ZNF146: variants seen among roughly 807,000 people sequenced by gnomAD.
ZNF146 encodes the protein zinc finger protein OZF.
Under a neutral mutation model 22.2 loss-of-function variants are expected in ZNF146, and 9 were observed. The observed-to-expected ratio is 0.41, with a 90% confidence interval of 0.24 to 0.71. ZNF146 has a LOEUF of 0.71. ZNF146 is among the 30% of genes least tolerant of loss of function. The pLI is 0.34. For missense variants in ZNF146, 194 were observed against 344.8 expected, an observed-to-expected ratio of 0.56 and a Z score of 3.46; for synonymous variants, 108 against 119.2, an observed-to-expected ratio of 0.91 and a Z score of 0.61.
intron 2 of ZNF146, among the ~76,000 whole-genome samples, chr19:36,225,007 G>C (rs1444601678): frequency 6.6e-6 from 1 of 152,124 alleles, no homozygotes; most frequent in Non-Finnish European, 1.5e-5. Context: ...TTATATAATT[G>C]AGGCAGTAGG....
intron 2 of ZNF146, among the ~76,000 whole-genome samples, chr19:36,224,650 T>C (rs1454943106): frequency 2.0e-5 from 3 of 152,254 alleles, no homozygotes; most frequent in African/African-American, 2.4e-5. Flanking sequence ...TATTTTTCTT[T>C]GTAAATTTTA....
At chr19:36,226,821 C>T (rs1977087553) in intron 2 of ZNF146, among the ~76,000 whole-genome samples, 1 of 152,206 alleles carries the variant, frequency 6.6e-6, no homozygotes, top group African/African-American at 2.4e-5. Context: ...TGCAGTGGCT[C>T]ACAACTGTAA....
At chr19:36,231,280 G>T (rs1977356360) in intron 3 of ZNF146, among the ~76,000 whole-genome samples, 1 of 151,968 alleles carries the variant, frequency 6.6e-6, no homozygotes, top group Admixed American at 6.6e-5. Flanking sequence ...TGCCATCGTG[G>T]CTCACCGCAG....
rs758158163 is a variant in ZNF146 at position 36,237,341 on chromosome 19, A to G, written c.*22A>G. 3 of 1,564,168 alleles carry G rather than the reference A, an allele frequency of 1.9e-6. No individual in the cohort carries two copies. In the East Asian group the frequency reaches 6.8e-5, roughly 35 times the overall value. ...CTAAAAACCCCATGAAAGCCTTGAA[A>G]GTGGGAAAGCTTTCATTAGAAATTT... On this transcript the variant is annotated 3_prime_UTR_variant, in exon 4 of 4. Transcript: ENST00000443387.
At chr19:36,228,419 C>G (rs1302530709) in intron 2 of ZNF146, 2 of 152,248 alleles carry the variant, frequency 1.3e-5, no homozygotes, top group African/African-American at 4.8e-5. Context: ...ACAGCAATCA[C>G]TCACACAAGG....
At chr19:36,218,642 T>A (rs1976712606) in intron 2 of ZNF146, among the ~76,000 whole-genome samples, 1 of 151,776 alleles carries the variant, frequency 6.6e-6, no homozygotes, top group Non-Finnish European at 1.5e-5. Flanking sequence ...ATTTTGTTTT[T>A]GTATTTTTAG....
chr19:36,222,838 CTTTT>C (rs371500908), intron 2 of ZNF146, among the ~76,000 whole-genome samples: 1 of 78,196 alleles, frequency 1.3e-5, no homozygotes, highest in African/African-American at 3.9e-5. Flanking sequence ...ACAGTGGTTT[CTTTT>C]TTTTTTAATC....
rs1027455601 is a variant in ZNF146 at position 36,235,766 on chromosome 19, C to T, written c.-675C>T. 6 of 152,138 alleles carry T rather than the reference C, an allele frequency of 3.9e-5. No homozygotes were observed. The highest frequency in any genetic ancestry group is 2.0e-4 in the Admixed American group (3 of 15,262). The allele number at this position is 152,138 out of a possible 1,614,324, so 9.4% of individuals were successfully genotyped here. A position where few individuals can be genotyped will look rare whatever the true frequency, so the allele number is the denominator to read the frequency against. Reference sequence around the variant, plus strand: ...CTCCAGGAAAGACTGAGAAAAAGAGCGTTGAATATAAGAAAAAATACTTCC... The same window carrying T: ...CTCCAGGAAAGACTGAGAAAAAGAGTGTTGAATATAAGAAAAAATACTTCC... On this transcript the variant is annotated 5_prime_UTR_variant, in exon 4 of 4. Coordinates refer to ENST00000443387, the MANE Select transcript of ZNF146 (RefSeq NM_007145.3).
chr19:36,228,330 G>T (rs184129564), intron 2 of ZNF146: 1 of 152,300 alleles, frequency 6.6e-6, no homozygotes, highest in Non-Finnish European at 1.5e-5. Context: ...TCAGACATGG[G>T]TGTTGAATTC....
At chr19:36,234,750 A>G (rs1348147118) in intron 3 of ZNF146, among the ~76,000 whole-genome samples, 1 of 152,130 alleles carries the variant, frequency 6.6e-6, no homozygotes, top group East Asian at 1.9e-4. Context: ...CTTACCATAT[A>G]TGTGGGTTTA....
At chr19:36,214,754 A>G (rs1418800837), upstream of ZNF146, 1 of 152,170 alleles carries the variant, frequency 6.6e-6, no homozygotes, top group African/African-American at 2.4e-5. Flanking sequence ...CACGGACAGA[A>G]TGGCGTTCTC....
chr19:36,229,253 C>T (rs940015226), intron 3 of ZNF146, among the ~76,000 whole-genome samples: 3 of 152,220 alleles, frequency 2.0e-5, no homozygotes, highest in Non-Finnish European at 4.4e-5. Context: ...TCTCACACTT[C>T]CCGTTGTCTT....
rs1315845567 is a variant in ZNF146 at position 36,238,589 on chromosome 19, G to A, written c.*1270G>A. The stretch of plus-strand genomic sequence containing the variant: ...TTTAAAATTTCTCAAAATAGGAATG[G>A]GAGTGAGGATGGGAATGCTGTATCT... On this transcript the variant is annotated 3_prime_UTR_variant, in exon 4 of 4. Coordinates refer to ENST00000443387, the MANE Select transcript of ZNF146 (RefSeq NM_007145.3). 2 of 166,942 alleles carry A rather than the reference G, an allele frequency of 1.2e-5. No homozygotes were observed. The highest frequency in any genetic ancestry group is 2.9e-5 in the Non-Finnish European group (2 of 68,104). The allele number at this position is 166,942 out of a possible 1,614,324, so 10.3% of individuals were successfully genotyped here.
chr19:36,218,765 G>A (rs1407001592), intron 2 of ZNF146, among the ~76,000 whole-genome samples: 1 of 151,120 alleles, frequency 6.6e-6, no homozygotes, highest in East Asian at 2.0e-4. Context: ...CACTGCGCCC[G>A]GCCTAATATT....
At position 36,237,349 on chromosome 19, in the gene ZNF146, A is replaced by G. The variant is rs545019888; in HGVS notation, c.*30A>G. 3.9e-5 allele frequency: 60 copies of G among 1,554,402 alleles called. No homozygotes were observed. The highest frequency in any genetic ancestry group is 1.6e-4 in the Admixed American group (8 of 49,598). Reference sequence around the variant, plus strand: ...CCCATGAAAGCCTTGAAAGTGGGAAAGCTTTCATTAGAAATTTGCACCTCA... The same window carrying G: ...CCCATGAAAGCCTTGAAAGTGGGAAGGCTTTCATTAGAAATTTGCACCTCA... On this transcript the variant is annotated 3_prime_UTR_variant, in exon 4 of 4. Coordinates refer to ENST00000443387, the MANE Select transcript of ZNF146 (RefSeq NM_007145.3).
At chr19:36,229,304 C>T (rs533868290) in intron 3 of ZNF146, among the ~76,000 whole-genome samples, 4 of 152,328 alleles carry the variant, frequency 2.6e-5, no homozygotes. Flanking sequence ...GACTCCTCTG[C>T]CTACCTTTCT....
At position 36,238,689 on chromosome 19, in the gene ZNF146, A is replaced by G. The variant is rs2145476715; in HGVS notation, c.*1370A>G. On this transcript the variant is annotated 3_prime_UTR_variant, in exon 4 of 4. Coordinates refer to ENST00000443387, the MANE Select transcript of ZNF146 (RefSeq NM_007145.3). Reference sequence around the variant, plus strand: ...TTATAGAAAATATTTCTAAAATTTTATCACGGATGAATGGATGGACTTGCT... The same window carrying G: ...TTATAGAAAATATTTCTAAAATTTTGTCACGGATGAATGGATGGACTTGCT... 6.0e-6 allele frequency: 1 copy of G among 167,250 alleles called. No individual in the cohort carries two copies. The highest frequency in any genetic ancestry group is 2.4e-5 in the African/African-American group (1 of 41,592). 10.4% of individuals were successfully genotyped at this position (167,250 alleles called of 1,614,324 possible). A position where few individuals can be genotyped will look rare whatever the true frequency, so the allele number is the denominator to read the frequency against.
In ZNF146 at chr19:36,236,947, G is replaced by C; in HGVS notation, c.507G>C (p.Lys169Asn). The C allele has an allele frequency of 6.2e-7, 1 of 1,614,050 alleles. No homozygotes were observed. The highest frequency in any genetic ancestry group is 8.5e-7 in the Non-Finnish European group (1 of 1,180,002). ...SECGTAFGQK[K>N]YLIKHQNIHT... ...GTGGAACAGCCTTTGGCCAGAAGAA[G>C]TACCTCATAAAACATCAGAACATTC... The change falls in exon 4 of 4, where the codon AAG becomes AAC. Residue 169 changes from lysine to asparagine, a missense_variant. Physicochemically the swap from Lys to Asn is moderately conservative, Grantham distance 94. Transcript: ENST00000443387.
Position 36,236,697 on chromosome 19 carries a change from A to G in ZNF146, c.257A>G (p.Asn86Ser). The change falls in exon 4 of 4, where the codon AAC becomes AGC. Residue 86 changes from asparagine (N) to serine (S), a missense_variant. Asn to Ser is a conservative substitution (Grantham distance 46). Transcript: ENST00000443387. ...GGAAAATCATTTAGCCAGAAGGAAA[A>G]CCTCCTTACGCACCAGAAAATTCAC... ...ECGKSFSQKENLLTHQKIHTG... is the reference protein window; with the variant it reads ...ECGKSFSQKESLLTHQKIHTG... 6.2e-7 allele frequency: 1 copy of G among 1,614,156 alleles called. No homozygotes were observed. The highest frequency in any genetic ancestry group is 8.5e-7 in the Non-Finnish European group (1 of 1,180,020).
Sources: gnomAD v4.1 joint callset for allele counts (sites outside exome capture counted in the v4.1 genomes callset) on GRCh38, gnomAD v4.1.1 for gene constraint, MANE v1.5 for transcripts, NCBI Gene and HGNC (gene_info 2026-07-23, HGNC 2026-07-21) for gene names.